Variants in MSRA observed in about 807,000 individuals in gnomAD.
The protein encoded by MSRA is methionine sulfoxide reductase A.
A neutral mutation model predicts 31.3 loss-of-function variants in MSRA; 54 were observed. The observed-to-expected ratio is 1.73, with a 90% confidence interval of 1.39 to 2.17. MSRA has a LOEUF of 2.17. Ranked by LOEUF, MSRA falls within the 30% of genes most tolerant of loss-of-function variation. MSRA has a pLI of 0.00. For missense variants in MSRA, 507 were observed against 300.9 expected, an observed-to-expected ratio of 1.69 and a Z score of -5.07; for synonymous variants, 169 against 116.5, an observed-to-expected ratio of 1.45 and a Z score of -2.90.
chr8:10,218,440 C>G (rs963584097), intron 2 of MSRA, among the ~76,000 whole-genome samples: 4 of 152,122 alleles, frequency 2.6e-5, no homozygotes. Context: ...CCACTGCGCC[C>G]GGCCCTGGTT....
intron 1 of MSRA, among the ~76,000 whole-genome samples, chr8:10,087,613 C>T (rs1372570906): frequency 6.6e-6 from 1 of 152,142 alleles, no homozygotes; most frequent in Non-Finnish European, 1.5e-5. Context: ...CATTTTCTGT[C>T]CCGTGGGCTA....
intron 1 of MSRA, among the ~76,000 whole-genome samples, chr8:10,174,366 C>T (rs117679060): frequency 2.0e-5 from 3 of 152,168 alleles, no homozygotes; most frequent in Middle Eastern, 3.4e-3. Context: ...GGGGTGGACT[C>T]GGGATGGAGG....
chr8:10,073,989 G>A (rs1797864677), intron 1 of MSRA, among the ~76,000 whole-genome samples: 1 of 139,098 alleles, frequency 7.2e-6, no homozygotes. Flanking sequence ...GGGGAGTGTT[G>A]CTTTCTATAC....
chr8:10,056,891 C>G (rs1363243811), intron 1 of MSRA, among the ~76,000 whole-genome samples: 1 of 152,158 alleles, frequency 6.6e-6, no homozygotes, highest in Admixed American at 6.5e-5. Context: ...AAAAGCATCA[C>G]CTTTTGACTG....
intron 3 of MSRA, among the ~76,000 whole-genome samples, chr8:10,254,831 C>T (rs1313632399): frequency 6.6e-6 from 1 of 152,212 alleles, no homozygotes; most frequent in Non-Finnish European, 1.5e-5. Flanking sequence ...TATGCTAGAG[C>T]TGTGCCAAAG....
At position 10,277,288 on chromosome 8, in the gene MSRA, C is replaced by A. The variant is rs193126026; in HGVS notation, c.332-24246C>A. The stretch of plus-strand genomic sequence containing the variant: ...TCCAGGTATTTTTCTGAGGTTAAAT[C>A]TGATCTTCCTTCTTTATTATCAGAG... On this transcript the variant is annotated intron_variant, in intron 3 of 5. Transcript: ENST00000317173. Among the ~76,000 whole-genome samples, 4 of 152,302 alleles carry A rather than the reference C, an allele frequency of 2.6e-5. No individual in the cohort carries two copies. The East Asian group carries it at 7.7e-4, about 29-fold the overall frequency.
chr8:10,399,578 A>T (rs943296305), intron 5 of MSRA, among the ~76,000 whole-genome samples: 1 of 152,214 alleles, frequency 6.6e-6, no homozygotes, highest in African/African-American at 2.4e-5. Context: ...AGCCGAGCAG[A>T]TGCCAGCACC....
At chr8:10,316,700 G>C (rs897472061) in intron 4 of MSRA, among the ~76,000 whole-genome samples, 3 of 152,034 alleles carry the variant, frequency 2.0e-5, no homozygotes, top group Non-Finnish European at 4.4e-5. Context: ...ACAGGATTAA[G>C]TTCTCAGATA....
intron 5 of MSRA, among the ~76,000 whole-genome samples, chr8:10,341,324 T>C (rs1044630883): frequency 8.6e-5 from 13 of 152,010 alleles, no homozygotes; most frequent in Admixed American, 5.2e-4. Flanking sequence ...GCACATCACA[T>C]GGTGAAAGCA....
intron 1 of MSRA, among the ~76,000 whole-genome samples, chr8:10,153,109 C>G (rs772491566): frequency 6.6e-6 from 1 of 152,162 alleles, no homozygotes; most frequent in South Asian, 2.1e-4. Flanking sequence ...GTACTTACCA[C>G]TACTGAGCGG....
At chr8:10,337,678 C>T (rs1429136213) in intron 5 of MSRA, 9 of 700,162 alleles carry the variant, frequency 1.3e-5, no homozygotes, top group Non-Finnish European at 5.2e-6. Context: ...GATTTTTCAT[C>T]TTGAACCTTA....
chr8:10,101,874 C>G (rs1022563344), intron 1 of MSRA, among the ~76,000 whole-genome samples: 2 of 152,154 alleles, frequency 1.3e-5, no homozygotes, highest in Non-Finnish European at 2.9e-5. Context: ...TCTTTGAGCT[C>G]CTGTTTCCAG....
chr8:10,340,554 G>A (rs142142306), intron 5 of MSRA, among the ~76,000 whole-genome samples: 9 of 152,272 alleles, frequency 5.9e-5, no homozygotes, highest in South Asian at 2.1e-4. Flanking sequence ...TGTATTTTTG[G>A]TAGAGACAGG....
At chr8:10,396,056 C>A (rs1807078181) in intron 5 of MSRA, among the ~76,000 whole-genome samples, 1 of 152,188 alleles carries the variant, frequency 6.6e-6, no homozygotes, top group African/African-American at 2.4e-5. Context: ...CCCTTCTCCC[C>A]TTCCCACAAG....
chr8:10,145,484 C>T (rs534983892), intron 1 of MSRA, among the ~76,000 whole-genome samples: 5 of 152,204 alleles, frequency 3.3e-5, no homozygotes, highest in African/African-American at 1.2e-4. Context: ...GGTTGCTTGC[C>T]GCCTGCATAA....
chr8:10,238,837 A>G (rs1351316681), intron 2 of MSRA, among the ~76,000 whole-genome samples: 2 of 152,196 alleles, frequency 1.3e-5, no homozygotes, highest in Admixed American at 6.5e-5. Flanking sequence ...CTTTATCTTT[A>G]TATATGGATG....
chr8:10,230,239 G>A (rs1469268590), intron 2 of MSRA, among the ~76,000 whole-genome samples: 1 of 152,204 alleles, frequency 6.6e-6, no homozygotes, highest in African/African-American at 2.4e-5. Flanking sequence ...CTGAGTTAAG[G>A]GGGTTTGGAC....
At chr8:10,249,481 T>A (rs979758954) in intron 3 of MSRA, among the ~76,000 whole-genome samples, 1 of 152,200 alleles carries the variant, frequency 6.6e-6, no homozygotes. Context: ...CATTTAAACC[T>A]GTTTTAAAAG....
At chr8:10,118,793 T>A (rs1800880655) in intron 1 of MSRA, among the ~76,000 whole-genome samples, 1 of 152,222 alleles carries the variant, frequency 6.6e-6, no homozygotes, top group African/African-American at 2.4e-5. Context: ...GGCACTCTTT[T>A]CTAAGCTACC....
Sources: allele counts gnomAD v4.1 joint callset (sites outside exome capture counted in the v4.1 genomes callset), GRCh38; gene constraint gnomAD v4.1.1; transcripts MANE v1.5; gene names NCBI Gene and HGNC (gene_info 2026-07-23, HGNC 2026-07-21).